Variants in ADAMTSL1 observed in about 807,000 individuals in gnomAD.
ADAMTSL1 encodes the protein ADAMTS like 1.
In ADAMTSL1, 126 loss-of-function variants were observed where a neutral mutation model predicts 201.8. The observed-to-expected ratio is 0.62, with a 90% CI of 0.54 to 0.72. The LOEUF (loss-of-function observed/expected upper bound fraction) is 0.72. Among genes scored for constraint, ADAMTSL1 ranks in the 30% least tolerant of loss-of-function variants. ADAMTSL1 has a pLI of 0.00. For missense variants in ADAMTSL1, 2,679 were observed against 2,277.8 expected (o/e 1.18, Z -3.59); for synonymous variants, 1,121 against 903.4 (o/e 1.24, Z -4.32).
chr9:18,307,346 T>C (rs1235049257), intron 2 of ADAMTSL1, among the ~76,000 whole-genome samples: 1 of 152,050 alleles, frequency 6.6e-6, no homozygotes, highest in Non-Finnish European at 1.5e-5. Flanking sequence ...CACATAACAA[T>C]ATTAGCCTTC....
At position 18,909,323 on chromosome 9, in the gene ADAMTSL1, C is replaced by T. The variant is rs113102910; in HGVS notation, c.*775C>T. On this transcript the variant is annotated 3_prime_UTR_variant, in exon 29 of 29. Transcript: ENST00000380548. ...GACCAGCTCTGATCCCATGCATGTGCGCATGCTCAGAGCCCTGCTGCCCAC... is the reference window on the plus strand; with the variant it reads ...GACCAGCTCTGATCCCATGCATGTGTGCATGCTCAGAGCCCTGCTGCCCAC... 3.9e-3 allele frequency: 592 copies of T among 152,420 alleles called. 5 individuals carry two copies. The highest frequency in any genetic ancestry group is 6.6e-3 in the Non-Finnish European group (452 of 68,114). 9.4% of individuals were successfully genotyped at this position (152,420 alleles called of 1,614,324 possible).
intron 13 of ADAMTSL1, chr9:18,706,527 G>C: frequency 1.9e-6 from 1 of 516,778 alleles, no homozygotes; most frequent in South Asian, 3.0e-5. Flanking sequence ...CTTGCAGCTG[G>C]GAGTTCATGT....
intron 23 of ADAMTSL1, among the ~76,000 whole-genome samples, chr9:18,870,496 C>T (rs149224672): frequency 4.0e-4 from 61 of 152,256 alleles, no homozygotes; most frequent in South Asian, 1.9e-3. Flanking sequence ...TGGGGTCTGC[C>T]TGCTAAAAAT....
chr9:18,685,119 CAT>C (rs1830748031), intron 13 of ADAMTSL1, among the ~76,000 whole-genome samples: 1 of 152,226 alleles, frequency 6.6e-6, no homozygotes, highest in Non-Finnish European at 1.5e-5. Flanking sequence ...GATGATATAA[CAT>C]AGATTTGATG....
chr9:18,813,989 T>G (rs545272156), intron 20 of ADAMTSL1, among the ~76,000 whole-genome samples: 2 of 152,310 alleles, frequency 1.3e-5, no homozygotes, highest in East Asian at 3.9e-4. Context: ...CTTCTCAACC[T>G]AATTTGTTAT....
intron 14 of ADAMTSL1, among the ~76,000 whole-genome samples, chr9:18,710,676 T>TG (rs1425661667): frequency 1.3e-5 from 2 of 148,540 alleles, no homozygotes; most frequent in African/African-American, 2.5e-5. Flanking sequence ...GTTTTGTTTT[T>TG]TTTTTTTTTT....
At position 18,099,341 on chromosome 9, in the gene ADAMTSL1, ATATATATATATATATTTTTTTTTTTT is replaced by A. The variant is rs960130119; in HGVS notation, c.88-64519_88-64494del. Among the ~76,000 whole-genome samples the A allele has an allele frequency of 3.7e-4, 17 of 45,438 alleles. 1 individual carries two copies. Among genetic ancestry groups the A allele is most frequent in the African/African-American group, 1.3e-3 (16 of 12,462 alleles). 29.8% of individuals were successfully genotyped at this position (45,438 alleles called of 152,430 possible). A position where few individuals can be genotyped will look rare whatever the true frequency, so the allele number is the denominator to read the frequency against. On this transcript the variant is annotated intron_variant, in intron 1 of 29. Coordinates refer to the ADAMTSL1 transcript ENST00000680146. The stretch of plus-strand genomic sequence containing the variant: ...GCAAATGGAAAATATATATATATAT[ATATATATATATATATTTTTTTTTTTT>A]TTTTTAACATCCATTAATTTTACTA...
chr9:18,428,308 G>A (rs1015890669), intron 2 of ADAMTSL1, among the ~76,000 whole-genome samples: 1 of 151,862 alleles, frequency 6.6e-6, no homozygotes, highest in African/African-American at 2.4e-5. Flanking sequence ...GGCCGGGTTT[G>A]CCATCCCACA....
intron 1 of ADAMTSL1, among the ~76,000 whole-genome samples, chr9:18,068,695 A>G (rs1379696215): frequency 6.6e-6 from 1 of 152,184 alleles, no homozygotes; most frequent in Non-Finnish European, 1.5e-5. Flanking sequence ...AATGTTGTGA[A>G]TCTAGAAATT....
Position 18,099,422 on chromosome 9 carries a change from G to A in ADAMTSL1, c.88-64440G>A, listed in dbSNP as rs139065107. 2.8e-4 allele frequency among the ~76,000 whole-genome samples: 38 copies of A among 137,796 alleles called. 1 individual carries two copies. In the East Asian group the frequency reaches 8.0e-3, roughly 29 times the overall value. 90.4% of individuals were successfully genotyped at this position (137,796 alleles called of 152,430 possible). Reference sequence around the variant, plus strand: ...ATGCTTTGGTTTTGGTTGCTCTGGAGGTTCATATTCTCAGATATGAGGTGT... The same window carrying A: ...ATGCTTTGGTTTTGGTTGCTCTGGAAGTTCATATTCTCAGATATGAGGTGT... On this transcript the variant is annotated intron_variant, in intron 1 of 29. Coordinates refer to the ADAMTSL1 transcript ENST00000680146.
chr9:17,998,382 G>A (rs987081035), intron 1 of ADAMTSL1, among the ~76,000 whole-genome samples: 1 of 151,996 alleles, frequency 6.6e-6, no homozygotes, highest in African/African-American at 2.4e-5. Flanking sequence ...CAGAGCTAGG[G>A]TAGATAGGGG....
chr9:18,548,767 TA>T (rs1820622380), intron 3 of ADAMTSL1, among the ~76,000 whole-genome samples: 1 of 151,736 alleles, frequency 6.6e-6, no homozygotes, highest in East Asian at 1.9e-4. Flanking sequence ...AAATAAAGAA[TA>T]AATTAGGGAG....
chr9:18,178,636 C>G (rs1587239528), intron 2 of ADAMTSL1, among the ~76,000 whole-genome samples: 2 of 151,350 alleles, frequency 1.3e-5, no homozygotes, highest in African/African-American at 4.8e-5. Context: ...TGTCTGACAG[C>G]TTTGAAGAGA....
chr9:18,540,736 G>T (rs918898116), intron 3 of ADAMTSL1, among the ~76,000 whole-genome samples: 3 of 152,138 alleles, frequency 2.0e-5, no homozygotes, highest in Admixed American at 6.5e-5. Flanking sequence ...TCTTCTCCCA[G>T]GCCCGGTCTG....
intron 2 of ADAMTSL1, among the ~76,000 whole-genome samples, chr9:18,260,311 A>T (rs1301608483): frequency 6.6e-6 from 1 of 152,252 alleles, no homozygotes; most frequent in East Asian, 1.9e-4. Context: ...GCAGTCTTCA[A>T]TGGCATGAAA....
At chr9:18,349,945 A>G (rs975829037) in intron 2 of ADAMTSL1, among the ~76,000 whole-genome samples, 1 of 150,762 alleles carries the variant, frequency 6.6e-6, no homozygotes, top group East Asian at 2.0e-4. Flanking sequence ...CTTTTGCACC[A>G]ACCTAGTATT....
intron 1 of ADAMTSL1, among the ~76,000 whole-genome samples, chr9:18,020,943 A>G (rs149199861): frequency 2.0e-5 from 3 of 152,110 alleles, no homozygotes; most frequent in African/African-American, 2.4e-5. Context: ...TATAACTTCA[A>G]TGCCACCCTT....
In ADAMTSL1 at chr9:18,681,820, G is replaced by A; in HGVS notation, c.1350G>A (p.Val450=). 1 of 1,611,686 alleles carries A rather than the reference G, an allele frequency of 6.2e-7. No homozygotes were observed. The highest frequency in any genetic ancestry group is 8.5e-7 in the Non-Finnish European group (1 of 1,178,610). Residue 450 remains valine, a synonymous_variant, in exon 12 of 29, where the codon GTG becomes GTA. Transcript: ENST00000380548. ...WLAQEWSPCT[V]TCGQGLRYRV... ...TTGCAATCTCTTTCCAGTGCACAGT[G>A]ACATGTGGCCAGGGCCTCAGATACC...
At chr9:18,330,324 T>C (rs994861618) in intron 2 of ADAMTSL1, among the ~76,000 whole-genome samples, 2 of 152,062 alleles carry the variant, frequency 1.3e-5, no homozygotes, top group East Asian at 3.8e-4. Context: ...CCTTCTACCC[T>C]TTTTCCTTCT....
Sources: allele counts gnomAD v4.1 joint callset (sites outside exome capture counted in the v4.1 genomes callset), GRCh38; gene constraint gnomAD v4.1.1; transcripts MANE v1.5; gene names NCBI Gene and HGNC (gene_info 2026-07-23, HGNC 2026-07-21).